The following ZDHHC11 variants were observed in gnomAD, a reference collection of about 807,000 sequenced individuals.
ZDHHC11 encodes the protein zDHHC palmitoyltransferase 11.
ZDHHC11 carries 44 observed loss-of-function variants against 51.3 expected under a neutral mutation model. That is an observed-to-expected ratio of 0.86 (90% CI 0.67 to 1.10). The LOEUF (loss-of-function observed/expected upper bound fraction) is 1.10. ZDHHC11 is among the 50% of genes least tolerant of loss of function. The pLI is 0.00. For synonymous variants in ZDHHC11, 163 were observed against 222.0 expected (o/e 0.73, Z 2.36); for missense variants, 400 against 537.7 (o/e 0.74, Z 2.53).
intron 6 of ZDHHC11, among the ~76,000 whole-genome samples, chr5:836,813 C>A (rs1176392695): frequency 6.7e-6 from 1 of 150,092 alleles, no homozygotes; most frequent in African/African-American, 2.5e-5. Context: ...GTAATCCCAG[C>A]ACTTTCGGAG....
intron 9 of ZDHHC11, among the ~76,000 whole-genome samples, chr5:820,077 GCA>G (rs765017294): frequency 6.6e-6 from 1 of 151,346 alleles, no homozygotes; most frequent in Non-Finnish European, 1.5e-5. Context: ...TGTCGATTTG[GCA>G]ATCATTACAC....
chr5:824,610 C>T (rs1742034599), intron 8 of ZDHHC11, among the ~76,000 whole-genome samples: 1 of 151,618 alleles, frequency 6.6e-6, no homozygotes, highest in Admixed American at 6.6e-5. Flanking sequence ...ACCATTCACA[C>T]ACATATACAC....
intron 11 of ZDHHC11, among the ~76,000 whole-genome samples, chr5:814,537 C>T (rs562349151): frequency 6.6e-5 from 10 of 151,370 alleles, no homozygotes; most frequent in East Asian, 5.8e-4. Context: ...TATTTTTGTG[C>T]GTAAGTTCAA....
chr5:830,622 G>GAA (rs779220270), intron 7 of ZDHHC11, among the ~76,000 whole-genome samples: 3,163 of 91,302 alleles, frequency 0.035, 2 homozygotes, highest in African/African-American at 0.11. Context: ...CACAGAACTA[G>GAA]AAAAAACAAT....
chr5:817,920 T>TG (rs1741031483), intron 10 of ZDHHC11, among the ~76,000 whole-genome samples: 1 of 151,368 alleles, frequency 6.6e-6, no homozygotes, highest in Non-Finnish European at 1.5e-5. Flanking sequence ...GGGGAGGCGA[T>TG]GGACTGTAGG....
At position 850,468 on chromosome 5, in the gene ZDHHC11, G is replaced by A. The variant is rs775415312; in HGVS notation, c.135C>T (p.Thr45=). 3.1e-6 allele frequency: 5 copies of A among 1,613,680 alleles called. No individual in the cohort carries two copies. Among genetic ancestry groups the A allele is most frequent in the Non-Finnish European group, 2.5e-6 (3 of 1,180,018 alleles). The change falls in exon 1 of 13, where the codon ACC becomes ACT. Residue 45 remains threonine, a synonymous_variant. Coordinates refer to ENST00000283441, the MANE Select transcript of ZDHHC11 (RefSeq NM_024786.3). ...SLPLHYFQVV[T]WAVFVGLSSA... ...AGGAAAGGCCCACGAAGACAGCCCA[G>A]GTCACCACCTGGAAGTAGTGCAGGG...
intron 11 of ZDHHC11, among the ~76,000 whole-genome samples, chr5:804,929 CA>C (rs1177596108): frequency 4.0e-5 from 6 of 150,930 alleles, no homozygotes; most frequent in African/African-American, 1.5e-4. Context: ...AGAACATTGG[CA>C]AAAAAATAAA....
At chr5:827,259 C>A (rs1344703152) in intron 7 of ZDHHC11, among the ~76,000 whole-genome samples, 6 of 148,518 alleles carry the variant, frequency 4.0e-5, no homozygotes, top group African/African-American at 1.5e-4. Context: ...CCTCAAAATA[C>A]ACCAAAACAG....
intron 11 of ZDHHC11, among the ~76,000 whole-genome samples, chr5:809,014 C>CACACAGACACACACACAT (rs1554050773): frequency 7.2e-6 from 1 of 139,026 alleles, no homozygotes; most frequent in Admixed American, 7.2e-5. Context: ...CACACACACA[C>CACACAGACACACACACAT]GCACACTATT....
At chr5:852,329 T>C (rs1002174638), upstream of ZDHHC11, among the ~76,000 whole-genome samples, 1 of 152,184 alleles carries the variant, frequency 6.6e-6, no homozygotes. Context: ...TCTGTCAGGA[T>C]TTCAGAACAG....
chr5:824,461 T>G (rs1219908280), intron 8 of ZDHHC11, among the ~76,000 whole-genome samples: 2 of 151,130 alleles, frequency 1.3e-5, no homozygotes, highest in East Asian at 3.9e-4. Flanking sequence ...ATCTCATCTC[T>G]AAAAAATAAA....
chr5:802,999 C>T (rs112444188), intron 11 of ZDHHC11, among the ~76,000 whole-genome samples: 7,107 of 146,968 alleles, frequency 0.048, 651 homozygotes, highest in African/African-American at 0.16. Flanking sequence ...CTAGCCTGGG[C>T]GACAGAGCGA....
rs70957306 is a variant in ZDHHC11, at chr5:802,825, C to CAAAAAAAAAAA, written c.1182-1672_1182-1662dup. Among the ~76,000 whole-genome samples the CAAAAAAAAAAA allele has an allele frequency of 2.6e-4, 5 of 19,116 alleles. 2 individuals carry two copies. The highest frequency in any genetic ancestry group is 5.1e-4 in the Non-Finnish European group (3 of 5,928). The allele number at this position is 19,116 out of a possible 152,430, so 12.5% of individuals were successfully genotyped here. ...TGTCTCTACTAAAAATACAAAAATA[C>CAAAAAAAAAAA]AAAAAAAAAAAAAAAAAAAAAAAAA... is the stretch of plus-strand genomic sequence containing the variant. On this transcript the variant is annotated intron_variant, in intron 11 of 12. Coordinates refer to ENST00000283441, the MANE Select transcript of ZDHHC11 (RefSeq NM_024786.3).
intron 11 of ZDHHC11, among the ~76,000 whole-genome samples, chr5:801,838 GA>G (rs1192448652): frequency 3.3e-5 from 5 of 151,302 alleles, no homozygotes; most frequent in African/African-American, 1.2e-4. Context: ...TAGTCACTAG[GA>G]GACTTCTAAA....
intron 11 of ZDHHC11, among the ~76,000 whole-genome samples, chr5:804,231 A>G (rs1186873942): frequency 2.7e-5 from 4 of 150,896 alleles, no homozygotes; most frequent in Non-Finnish European, 5.9e-5. Flanking sequence ...ATGATGAAAT[A>G]TCATTCTGCC....
intron 11 of ZDHHC11, 30 bp downstream of exon 11, chr5:814,731 A>G (rs778049469): frequency 2.6e-6 from 4 of 1,544,500 alleles, no homozygotes; most frequent in Non-Finnish European, 3.5e-6. Context: ...AGAGACAGAC[A>G]AAACGTTCCC....
upstream of ZDHHC11, among the ~76,000 whole-genome samples, chr5:860,137 C>T (rs563188945): frequency 6.6e-6 from 1 of 152,302 alleles, no homozygotes; most frequent in East Asian, 1.9e-4. This position sits in a 1 kb window ranked among gnomAD's most constrained non-coding sequence, Gnocchi z 4.2. Context: ...GTAAGAGGAA[C>T]AGCTGGGCTG....
chr5:843,858 AGG>A (rs1427621418), intron 3 of ZDHHC11, 134 bp from the exon 4 acceptor site: 1 of 304,554 alleles, frequency 3.3e-6, no homozygotes, highest in African/African-American at 3.5e-5. Flanking sequence ...GCACAGCGGC[AGG>A]GGCATGCGGG....
chr5:828,228 GC>G (rs1159420117), intron 7 of ZDHHC11, among the ~76,000 whole-genome samples: 2 of 151,334 alleles, frequency 1.3e-5, no homozygotes, highest in Admixed American at 1.3e-4. Context: ...TGTCATCATG[GC>G]CCGTTCTCAG....
Sources: allele counts gnomAD v4.1 joint callset (sites outside exome capture counted in the v4.1 genomes callset), GRCh38; gene constraint gnomAD v4.1.1; non-coding constraint Gnocchi (gnomAD v3.1); transcripts MANE v1.5; gene names NCBI Gene and HGNC (gene_info 2026-07-23, HGNC 2026-07-21).